The following MUSK variants were observed in gnomAD, a reference collection of about 807,000 sequenced individuals.
The protein encoded by MUSK is muscle associated receptor tyrosine kinase.
MUSK carries 55 observed loss-of-function variants against 88.7 expected under a neutral mutation model. The ratio of observed to expected loss-of-function variants is 0.62; its 90% CI spans 0.50 to 0.78. The LOEUF (loss-of-function observed/expected upper bound fraction) is 0.78, where lower values mean the gene tolerates loss of function less well. MUSK is among the 30% of genes least tolerant of loss of function. MUSK has a pLI of 0.00. For synonymous variants in MUSK, 387 were observed against 391.9 expected (o/e 0.99, Z 0.15); for missense variants, 1,015 against 1,074.3 (o/e 0.94, Z 0.77).
chr9:110,698,347 A>T (rs1463308589), intron 5 of MUSK, among the ~76,000 whole-genome samples: 1 of 152,206 alleles, frequency 6.6e-6, no homozygotes, highest in Non-Finnish European at 1.5e-5. Flanking sequence ...GTTGGCTATA[A>T]GAATTATCAT....
chr9:110,702,571 C>T (rs939295453), intron 5 of MUSK, among the ~76,000 whole-genome samples: 7 of 152,084 alleles, frequency 4.6e-5, no homozygotes, highest in Non-Finnish European at 7.4e-5. Flanking sequence ...GACTTAATAC[C>T]ATCAGCACAG....
rs1385481927 is a variant in MUSK at position 110,803,571 on chromosome 9, C to T, written c.*2583C>T. 2.6e-5 allele frequency among the ~76,000 whole-genome samples: 4 copies of T among 152,126 alleles called. 1 individual carries two copies. Among genetic ancestry groups the T allele is most frequent in the Admixed American group, 2.0e-4 (3 of 15,284 alleles). On this transcript the variant is annotated 3_prime_UTR_variant, in exon 15 of 15. Coordinates refer to ENST00000374448, the MANE Select transcript of MUSK (RefSeq NM_005592.4). ...TGGAAGTGATTTGTAATTTGCATGT[C>T]GTTTCAAGCACACTCTATATCTATA... is the stretch of plus-strand genomic sequence containing the variant.
At chr9:110,722,535 G>T (rs564282855) in intron 5 of MUSK, among the ~76,000 whole-genome samples, 5 of 142,750 alleles carry the variant, frequency 3.5e-5, no homozygotes, top group Admixed American at 1.4e-4. Context: ...ATCATGGGAA[G>T]AAAAAAAAAA....
rs939727734 is a variant in MUSK at position 110,803,075 on chromosome 9, C to A, written c.*2087C>A. Reference sequence around the variant, plus strand: ...TTTTAGATGGTTCATGTATGCTCTGCAAAATTCAAAGACAGCTTCGGGCTT... The same window carrying A: ...TTTTAGATGGTTCATGTATGCTCTGAAAAATTCAAAGACAGCTTCGGGCTT... On this transcript the variant is annotated 3_prime_UTR_variant, in exon 15 of 15. Transcript: ENST00000374448. 6.6e-6 allele frequency among the ~76,000 whole-genome samples: 1 copy of A among 152,140 alleles called. No individual in the cohort carries two copies. Among genetic ancestry groups the A allele is most frequent in the African/African-American group, 2.4e-5 (1 of 41,428 alleles).
chr9:110,697,368 T>A lies in MUSK; in HGVS notation c.530T>A (p.Ile177Asn). The part of the protein sequence containing the change: ...IAVLESGSLR[I>N]HNVQKEDAGQ... ...GTTCTTGAATCTGGGAGCTTGAGGA[T>A]TCATAACGTACAAAAGGAAGATGCA... Residue 177 changes from isoleucine to asparagine, a missense_variant, in exon 5 of 15, where the codon ATT (isoleucine) becomes AAT (asparagine). Physicochemically the swap from Ile to Asn is moderately radical, Grantham distance 149. Transcript: ENST00000374448. The A allele has an allele frequency of 6.2e-7, 1 of 1,612,928 alleles. No homozygotes were observed. The highest frequency in any genetic ancestry group is 8.5e-7 in the Non-Finnish European group (1 of 1,179,290).
At chr9:110,762,972 GT>G (rs1262339354) in intron 8 of MUSK, among the ~76,000 whole-genome samples, 4 of 152,142 alleles carry the variant, frequency 2.6e-5, no homozygotes, top group Middle Eastern at 3.4e-3. Flanking sequence ...GATTTTAAGT[GT>G]TCTCATCATC....
At chr9:110,670,073 G>A (rs1362302760) in intron 1 of MUSK, among the ~76,000 whole-genome samples, 1 of 140,062 alleles carries the variant, frequency 7.1e-6, no homozygotes, top group Non-Finnish European at 1.5e-5. Flanking sequence ...TAAGATGCGG[G>A]TTTCTTCACA....
chr9:110,785,081 G>A (rs1422793228), intron 12 of MUSK, 65 bp downstream of exon 12: 16 of 1,429,268 alleles, frequency 1.1e-5, no homozygotes, highest in Non-Finnish European at 1.6e-5. Flanking sequence ...TTATGGAGTT[G>A]GTATGACGTG....
At chr9:110,713,762 C>G (rs2076707734) in intron 5 of MUSK, among the ~76,000 whole-genome samples, 1 of 152,108 alleles carries the variant, frequency 6.6e-6, no homozygotes, top group Middle Eastern at 3.4e-3. Context: ...TTTATTTTTC[C>G]AACTAAAATT....
chr9:110,706,076 G>C, intron 5 of MUSK: 1 of 528,930 alleles, frequency 1.9e-6, no homozygotes, highest in East Asian at 5.5e-5. Context: ...TTTCTTACAG[G>C]TGCTAAAGGC....
At chr9:110,722,198 C>G (rs568299705) in intron 5 of MUSK, among the ~76,000 whole-genome samples, 3 of 152,092 alleles carry the variant, frequency 2.0e-5, no homozygotes, top group South Asian at 2.1e-4. Flanking sequence ...ACTTCATAAC[C>G]AAGAACTAAA....
At chr9:110,754,481 T>C (rs1253404920) in intron 7 of MUSK, among the ~76,000 whole-genome samples, 1 of 152,166 alleles carries the variant, frequency 6.6e-6, no homozygotes, top group East Asian at 1.9e-4. Context: ...CTCCTAGCCA[T>C]ACACCCCCAC....
At chr9:110,787,040 T>C (rs1400209091) in intron 13 of MUSK, among the ~76,000 whole-genome samples, 1 of 152,176 alleles carries the variant, frequency 6.6e-6, no homozygotes, top group Non-Finnish European at 1.5e-5. Context: ...TCCTACGTCA[T>C]GGAATTTAGA....
At chr9:110,774,830 A>T (rs567727108) in intron 9 of MUSK, among the ~76,000 whole-genome samples, 1 of 151,320 alleles carries the variant, frequency 6.6e-6, no homozygotes, top group Admixed American at 6.6e-5. Context: ...GAGTGTGGGA[A>T]TAAGTATGAA....
chr9:110,770,876 C>G (rs1025484588), intron 9 of MUSK, among the ~76,000 whole-genome samples: 18 of 151,718 alleles, frequency 1.2e-4, no homozygotes, highest in African/African-American at 4.3e-4. Flanking sequence ...GCAATTAATT[C>G]CCTTGTTCCT....
At chr9:110,775,734 T>C (rs1401741817) in intron 9 of MUSK, 54 bp from the exon 10 acceptor site, 2 of 1,529,800 alleles carry the variant, frequency 1.3e-6, no homozygotes, top group African/African-American at 2.7e-5. Context: ...CTGCCACAAA[T>C]TTGCTTTAAC....
chr9:110,755,969 T>TATATATAC (rs2077314579), intron 7 of MUSK, among the ~76,000 whole-genome samples: 1 of 92,410 alleles, frequency 1.1e-5, no homozygotes, highest in Non-Finnish European at 2.3e-5. Flanking sequence ...TATATACATA[T>TATATATAC]ATATATATAC....
intron 5 of MUSK, among the ~76,000 whole-genome samples, chr9:110,733,537 T>G (rs1171800340): frequency 6.6e-6 from 1 of 152,112 alleles, no homozygotes; most frequent in Non-Finnish European, 1.5e-5. Context: ...GAATAGAAAT[T>G]ACTCATTCTG....
Position 110,800,846 on chromosome 9 carries a change from GC to G in MUSK, c.2471del (p.Pro824LeufsTer44). ...YYVRDGNILS[C>X]PENCPVELYN... ...GTGCGAGATGGCAACATCCTCTCCTGCCCTGAGAACTGCCCCGTGGAGCTGT... is the reference window on the plus strand; with the variant it reads ...GTGCGAGATGGCAACATCCTCTCCTGCCTGAGAACTGCCCCGTGGAGCTGT... On this transcript the variant is annotated frameshift_variant, in exon 15 of 15. Transcript: ENST00000374448. LOFTEE classifies it high-confidence loss of function. 1 of 1,609,318 alleles carries G rather than the reference GC, an allele frequency of 6.2e-7. No individual in the cohort carries two copies. Among genetic ancestry groups the G allele is most frequent in the South Asian group, 1.1e-5 (1 of 90,668 alleles).
Sources: gnomAD v4.1 joint callset for allele counts (sites outside exome capture counted in the v4.1 genomes callset) on GRCh38, gnomAD v4.1.1 for gene constraint, MANE v1.5 for transcripts, NCBI Gene and HGNC (gene_info 2026-07-23, HGNC 2026-07-21) for gene names.